Variants in FAS observed in about 807,000 individuals in gnomAD.
The protein encoded by FAS is tumor necrosis factor receptor superfamily member 6.
FAS carries 5 observed loss-of-function variants against 33.2 expected under a neutral mutation model. The ratio of observed to expected loss-of-function variants is 0.15; its 90% CI spans 0.08 to 0.32. The LOEUF is 0.32. Among genes scored for constraint, FAS ranks in the 10% least tolerant of loss-of-function variants. FAS has a pLI of 1.00. For missense variants in FAS, 339 were observed against 386.0 expected, an observed-to-expected ratio of 0.88 and a Z score of 1.02; for synonymous variants, 131 against 130.7, an observed-to-expected ratio of 1.00 and a Z score of -0.01.
At chr10:88,966,203 CA>C (rs1459224866) in intron 1 of FAS, among the ~76,000 whole-genome samples, 1 of 152,148 alleles carries the variant, frequency 6.6e-6, no homozygotes, top group Non-Finnish European at 1.5e-5. Context: ...ACTGAAGTCT[CA>C]AAAATACAGA....
At chr10:88,983,559 G>T (rs1399456174), upstream of FAS, among the ~76,000 whole-genome samples, 1 of 125,074 alleles carries the variant, frequency 8.0e-6, no homozygotes, top group Non-Finnish European at 1.6e-5. Context: ...GATGGTAACA[G>T]GACCTACTTT....
intron 1 of FAS, chr10:88,991,332 C>T: frequency 3.0e-6 from 1 of 334,648 alleles, no homozygotes; most frequent in Non-Finnish European, 5.7e-6. Context: ...CAAGCCAAGC[C>T]AAAGGTCCGC....
chr10:88,999,151 T>C (rs1847776770), intron 1 of FAS, among the ~76,000 whole-genome samples: 1 of 90,910 alleles, frequency 1.1e-5, no homozygotes, highest in Admixed American at 1.1e-4. Flanking sequence ...AGACTCCGTC[T>C]CAAAAAAATA....
At chr10:88,998,362 A>AT in intron 1 of FAS, among the ~76,000 whole-genome samples, 1 of 150,342 alleles carries the variant, frequency 6.7e-6, no homozygotes, top group East Asian at 2.0e-4. Flanking sequence ...AAAAAAAAAA[A>AT]TCAAAACAAA....
upstream of FAS, among the ~76,000 whole-genome samples, chr10:88,982,151 A>C (rs78020557): frequency 3.9e-5 from 6 of 152,358 alleles, no homozygotes; most frequent in East Asian, 1.2e-3. Context: ...TTGGGTGACT[A>C]CTGCAAGATC....
chr10:89,013,909 C>T (rs927890685), intron 8 of FAS, among the ~76,000 whole-genome samples: 1 of 152,076 alleles, frequency 6.6e-6, no homozygotes, highest in African/African-American at 2.4e-5. Context: ...TATTGTGGCC[C>T]AGGTTATTTA....
Position 88,990,876 on chromosome 10 carries a change from C to A in FAS, c.-1C>A. 2 of 1,614,230 alleles carry A rather than the reference C, an allele frequency of 1.2e-6. No individual in the cohort carries two copies. The highest frequency in any genetic ancestry group is 2.2e-5 in the South Asian group (2 of 91,092). ...TCACTTCGGAGGATTGCTCAACAAC[C>A]ATGCTGGGCATCTGGACCCTCCTAC... On this transcript the variant is annotated 5_prime_UTR_variant, in exon 1 of 9. Transcript: ENST00000652046. The surrounding 1 kb of genome is among the most constrained non-coding windows in gnomAD (Gnocchi z 4.9).
At chr10:88,998,331 T>C (rs1847720127) in intron 1 of FAS, among the ~76,000 whole-genome samples, 1 of 133,422 alleles carries the variant, frequency 7.5e-6, no homozygotes, top group South Asian at 2.7e-4. Flanking sequence ...TTTATATAGC[T>C]TTAGTTAAAA....
At chr10:88,995,501 G>A (rs897479668) in intron 1 of FAS, among the ~76,000 whole-genome samples, 7 of 152,210 alleles carry the variant, frequency 4.6e-5, no homozygotes, top group African/African-American at 1.7e-4. Context: ...GTCCCACTAA[G>A]TAGAAATGAT....
intron 2 of FAS, chr10:88,973,398 C>T: frequency 7.3e-7 from 1 of 1,365,054 alleles, no homozygotes; most frequent in Non-Finnish European, 9.6e-7. Context: ...TCATAGAGTT[C>T]CCGATGAAAA....
At chr10:88,965,658 A>G (rs1846305925) in intron 1 of FAS, among the ~76,000 whole-genome samples, 1 of 127,914 alleles carries the variant, frequency 7.8e-6, no homozygotes, top group Non-Finnish European at 1.8e-5. Context: ...AGGTCAAGCC[A>G]TTATAATGCA....
chr10:89,010,826 G>C lies in FAS; in HGVS notation c.568+11G>C. On this transcript the variant is annotated intron_variant, in intron 6 of 8. Coordinates refer to ENST00000652046, the MANE Select transcript of FAS (RefSeq NM_000043.6). ...CACTAATTGTTTGGGGTAAGTTCTTGCTTTGTTCAAACTGCAGATTGAAAT... is the reference window on the plus strand; with the variant it reads ...CACTAATTGTTTGGGGTAAGTTCTTCCTTTGTTCAAACTGCAGATTGAAAT... 2 of 1,613,870 alleles carry C rather than the reference G, an allele frequency of 1.2e-6. No individual in the cohort carries two copies. The highest frequency in any genetic ancestry group is 1.7e-6 in the Non-Finnish European group (2 of 1,179,932).
At chr10:88,981,102 C>T (rs1344006760) in intron 2 of FAS, among the ~76,000 whole-genome samples, 3 of 152,160 alleles carry the variant, frequency 2.0e-5, no homozygotes, top group African/African-American at 7.2e-5. Flanking sequence ...AAAGGGCAGG[C>T]CCAGCAATAT....
intron 2 of FAS, among the ~76,000 whole-genome samples, chr10:89,004,971 C>G (rs1163345175): frequency 6.6e-6 from 1 of 151,994 alleles, no homozygotes. Flanking sequence ...TAATGAAATA[C>G]AAATACAGAG....
At chr10:89,005,831 G>C (rs566943961) in intron 2 of FAS, among the ~76,000 whole-genome samples, 1 of 152,026 alleles carries the variant, frequency 6.6e-6, no homozygotes, top group Non-Finnish European at 1.5e-5. Context: ...TAGAGGCGGG[G>C]TTTCACCATG....
chr10:89,001,127 T>C (rs1206232121), intron 1 of FAS, among the ~76,000 whole-genome samples: 1 of 152,142 alleles, frequency 6.6e-6, no homozygotes, highest in East Asian at 1.9e-4. Flanking sequence ...AAAGCTTGCT[T>C]TTGTCTCTCT....
At chr10:88,998,347 CAAAA>C (rs3074154) in intron 1 of FAS, among the ~76,000 whole-genome samples, 47,398 of 141,738 alleles carry the variant, frequency 0.33, 7,969 homozygotes, top group East Asian at 0.51. Context: ...TAAAAAAAAG[CAAAA>C]AAAAAAAAAA....
Position 89,008,919 on chromosome 10 carries a change from C to T in FAS, c.365C>T (p.Thr122Ile), listed in dbSNP as rs3218614. 2,359 of 1,613,942 alleles carry T rather than the reference C, an allele frequency of 1.5e-3. 29 individuals carry two copies. The African/African-American group carries it at 0.026, about 18-fold the overall frequency. The change falls in exon 4 of 9, where the codon ACC becomes ATC. Residue 122 changes from threonine (T) to isoleucine (I), a missense_variant. Transcript: ENST00000652046. ...GLEVEINCTR[T>I]QNTKCRCKPN... The stretch of plus-strand genomic sequence containing the variant: ...GAAGTGGAAATAAACTGCACCCGGA[C>T]CCAGAATACCAAGTGCAGATGTAAA...
intron 2 of FAS, chr10:88,973,350 A>C (rs532559607): frequency 5.4e-6 from 8 of 1,490,754 alleles, no homozygotes; most frequent in Admixed American, 2.2e-5. Context: ...GTGATTAGGT[A>C]ATCCAAGAAT....
Sources: allele counts gnomAD v4.1 joint callset (sites outside exome capture counted in the v4.1 genomes callset), GRCh38; gene constraint gnomAD v4.1.1; non-coding constraint Gnocchi (gnomAD v3.1); transcripts MANE v1.5; gene names NCBI Gene and HGNC (gene_info 2026-07-23, HGNC 2026-07-21).